ADGRV1: variants seen among roughly 807,000 people sequenced by gnomAD.
ADGRV1 encodes G-protein coupled receptor 98.
In ADGRV1, 359 loss-of-function variants were observed where a neutral mutation model predicts 596.2. That is an observed-to-expected ratio of 0.60 (90% CI 0.55 to 0.66). The LOEUF (loss-of-function observed/expected upper bound fraction) is 0.66. ADGRV1 is among the 30% of genes least tolerant of loss of function. ADGRV1 has a pLI of 0.00. For missense variants in ADGRV1, 7,274 were observed against 7,575.6 expected, an observed-to-expected ratio of 0.96 and a Z score of 1.48; for synonymous variants, 2,681 against 2,679.2, an observed-to-expected ratio of 1.00 and a Z score of -0.02.
intron 83 of ADGRV1, among the ~76,000 whole-genome samples, chr5:90,928,924 G>A (rs1320799301): frequency 6.9e-5 from 10 of 145,748 alleles, no homozygotes; most frequent in Middle Eastern, 6.9e-3. Flanking sequence ...GCTGGGGGGT[G>A]CCTCCCAGTT....
At chr5:90,816,491 A>G (rs1762905875) in intron 75 of ADGRV1, among the ~76,000 whole-genome samples, 1 of 151,732 alleles carries the variant, frequency 6.6e-6, no homozygotes, top group South Asian at 2.1e-4. Flanking sequence ...CACATGTGCC[A>G]TGTTGGTGTG....
chr5:90,761,246 A>T (rs574938148), intron 58 of ADGRV1, among the ~76,000 whole-genome samples: 1 of 152,310 alleles, frequency 6.6e-6, no homozygotes, highest in East Asian at 1.9e-4. Flanking sequence ...AGAAAATGGG[A>T]CCTGTAAGAG....
chr5:90,695,060 A>G (rs952772347), intron 33 of ADGRV1, among the ~76,000 whole-genome samples: 7 of 152,222 alleles, frequency 4.6e-5, no homozygotes, highest in African/African-American at 1.7e-4. Context: ...TTACAACCAT[A>G]CATGTTGGTA....
At chr5:90,846,436 C>T (rs113094870) in intron 78 of ADGRV1, 41 of 167,028 alleles carry the variant, frequency 2.5e-4, no homozygotes, top group African/African-American at 9.3e-4. Flanking sequence ...AATGCTTAAA[C>T]GATAAAGATG....
intron 45 of ADGRV1, among the ~76,000 whole-genome samples, chr5:90,721,513 A>ATTAAATTAAAT (rs59090796): frequency 2.0e-5 from 2 of 100,052 alleles, no homozygotes; most frequent in Admixed American, 9.3e-5. Flanking sequence ...AAAAAATAAA[A>ATTAAATTAAAT]TAAAATAAAA....
intron 78 of ADGRV1, among the ~76,000 whole-genome samples, chr5:90,845,534 A>C (rs995641685): frequency 6.6e-6 from 1 of 152,098 alleles, no homozygotes; most frequent in Non-Finnish European, 1.5e-5. Flanking sequence ...TTTTTAGAAA[A>C]GTCGGAAGTT....
At position 90,569,140 on chromosome 5, in the gene ADGRV1, G is replaced by A. The variant is rs200932552; in HGVS notation, c.22+10223G>A. On this transcript the variant is annotated intron_variant, in intron 1 of 89. Coordinates refer to ENST00000405460, the MANE Select transcript of ADGRV1 (RefSeq NM_032119.4). Reference sequence around the variant, plus strand: ...ACCAAACTTATCCTTTTATCAGGAGGCCACTCCTGTGATGACTAACCCACC... The same window carrying A: ...ACCAAACTTATCCTTTTATCAGGAGACCACTCCTGTGATGACTAACCCACC... Among the ~76,000 whole-genome samples, 3 of 151,668 alleles carry A rather than the reference G, an allele frequency of 2.0e-5. No individual in the cohort carries two copies. The East Asian group carries it at 5.8e-4, about 29-fold the overall frequency.
At chr5:90,726,011 C>T (rs1751727422) in intron 48 of ADGRV1, among the ~76,000 whole-genome samples, 2 of 152,132 alleles carry the variant, frequency 1.3e-5, no homozygotes, top group Non-Finnish European at 2.9e-5. Context: ...CTCAGAAATC[C>T]CACATTTCTT....
intron 35 of ADGRV1, 80 bp from the exon 36 acceptor site, chr5:90,704,309 A>G: frequency 1.2e-6 from 1 of 853,232 alleles, no homozygotes; most frequent in South Asian, 1.7e-5. Flanking sequence ...TGCACAATTT[A>G]TAAGGTGAAT....
At chr5:90,633,195 C>G (rs1382315977) in intron 9 of ADGRV1, among the ~76,000 whole-genome samples, 1 of 151,928 alleles carries the variant, frequency 6.6e-6, no homozygotes, top group African/African-American at 2.4e-5. Context: ...GGAACCCAGA[C>G]AGACAAAAAA....
chr5:90,673,296 C>T (rs1003957004), intron 22 of ADGRV1, among the ~76,000 whole-genome samples: 3 of 152,154 alleles, frequency 2.0e-5, no homozygotes, highest in South Asian at 2.1e-4. Context: ...TATCACATCT[C>T]ATCATAGAAC....
At chr5:91,080,609 A>AAC (rs1313253808) in intron 86 of ADGRV1, among the ~76,000 whole-genome samples, 2 of 151,466 alleles carry the variant, frequency 1.3e-5, no homozygotes, top group African/African-American at 4.9e-5. Flanking sequence ...AAAAAAAAAA[A>AAC]AACTTGAAGT....
rs751874998 is a variant in ADGRV1 at position 90,802,893 on chromosome 5, C to G, written c.14661+11C>G. ...GCTGCCAATTCTCAGGTAATTGGCC[C>G]TGTGTGTGGTTCTCTCAGCAGAACA... On this transcript the variant is annotated intron_variant, in intron 71 of 89. Transcript: ENST00000405460. The G allele has an allele frequency of 6.3e-7, 1 of 1,595,086 alleles. No homozygotes were observed. The highest frequency in any genetic ancestry group is 1.3e-5 in the African/African-American group (1 of 74,670).
intron 45 of ADGRV1, among the ~76,000 whole-genome samples, chr5:90,723,287 T>G (rs1458036322): frequency 2.0e-5 from 3 of 152,020 alleles, no homozygotes; most frequent in Non-Finnish European, 4.4e-5. Flanking sequence ...ATGTTTAGTT[T>G]GGAGAGACCC....
Position 91,150,193 on chromosome 5 carries a change from C to T in ADGRV1, c.18596C>T (p.Thr6199Ile), listed in dbSNP as rs1795926815. 1.9e-6 allele frequency: 3 copies of T among 1,589,760 alleles called. No individual in the cohort carries two copies. Among genetic ancestry groups the T allele is most frequent in the South Asian group, 1.2e-5 (1 of 86,504 alleles). The change falls in exon 88 of 90, where the codon ACC (threonine) becomes ATC (isoleucine). Residue 6199 changes from threonine to isoleucine, a missense_variant. Coordinates refer to ENST00000405460, the MANE Select transcript of ADGRV1 (RefSeq NM_032119.4). ...PPAGGEISKS[T>I]QNLIGAMEEV... ...GCTGGAGGGGAAATCAGCAAGTCCA[C>T]CCAGAATCTCATCGGTGCTATGGAG... is the stretch of plus-strand genomic sequence containing the variant.
chr5:90,921,987 C>G (rs921757470), intron 83 of ADGRV1, among the ~76,000 whole-genome samples: 5 of 152,080 alleles, frequency 3.3e-5, no homozygotes, highest in South Asian at 2.1e-4. Context: ...TCAATCACTT[C>G]TATTCACACT....
intron 87 of ADGRV1, among the ~76,000 whole-genome samples, chr5:91,105,917 A>G (rs1791822819): frequency 6.6e-6 from 1 of 151,028 alleles, no homozygotes; most frequent in Non-Finnish European, 1.5e-5. Flanking sequence ...TTATAATTTT[A>G]TAAATAGATT....
At chr5:90,777,152 A>T (rs1404166386) in intron 61 of ADGRV1, among the ~76,000 whole-genome samples, 4 of 152,172 alleles carry the variant, frequency 2.6e-5, no homozygotes, top group Non-Finnish European at 5.9e-5. Flanking sequence ...GCAGAAGGCG[A>T]AAGGAGAGCT....
intron 86 of ADGRV1, among the ~76,000 whole-genome samples, chr5:91,087,447 C>T (rs930051894): frequency 3.3e-5 from 5 of 151,108 alleles, no homozygotes; most frequent in Admixed American, 2.0e-4. Context: ...CAGGCATGCA[C>T]CACTGTGCCC....
Sources: allele counts gnomAD v4.1 joint callset (sites outside exome capture counted in the v4.1 genomes callset), GRCh38; gene constraint gnomAD v4.1.1; transcripts MANE v1.5; gene names NCBI Gene and HGNC (gene_info 2026-07-23, HGNC 2026-07-21).